NETO1: variants seen among roughly 807,000 people sequenced by gnomAD.
NETO1 encodes neuropilin and tolloid like 1.
Under a neutral mutation model 61.3 loss-of-function variants are expected in NETO1, and 26 were observed. That is an observed-to-expected ratio of 0.42 (90% CI 0.31 to 0.59). The LOEUF is 0.59. Ranked by LOEUF, NETO1 falls within the 20% of genes least tolerant of loss-of-function variation. NETO1 has a pLI of 0.12. For missense variants in NETO1, 531 were observed against 662.8 expected (o/e 0.80, Z 2.18); for synonymous variants, 225 against 225.8 (o/e 1.00, Z 0.03).
chr18:72,852,163 T>G (rs964837887), intron 4 of NETO1, among the ~76,000 whole-genome samples: 3 of 152,184 alleles, frequency 2.0e-5, no homozygotes, highest in African/African-American at 7.2e-5. Flanking sequence ...TTTCTCCACC[T>G]CTCCAGGAAA....
intron 7 of NETO1, among the ~76,000 whole-genome samples, chr18:72,772,793 TTCTCTCTCTC>T (rs71166423): frequency 2.5e-4 from 15 of 58,970 alleles, no homozygotes; most frequent in South Asian, 9.6e-4. Context: ...CTCTATATAG[TTCTCTCTCTC>T]TCTCTCTCTC....
chr18:72,825,918 T>G (rs1255072975), intron 4 of NETO1, among the ~76,000 whole-genome samples: 2 of 152,204 alleles, frequency 1.3e-5, no homozygotes, highest in African/African-American at 2.4e-5. Flanking sequence ...GAGATTTTCT[T>G]TGTGACATAT....
At chr18:72,843,601 T>C (rs2073999489) in intron 4 of NETO1, among the ~76,000 whole-genome samples, 1 of 152,138 alleles carries the variant, frequency 6.6e-6, no homozygotes, top group Non-Finnish European at 1.5e-5. Context: ...ATGTGTACCC[T>C]TGTGCCTTTC....
At position 72,832,336 on chromosome 18, in the gene NETO1, CAGTT is replaced by C. The variant is rs148553366; in HGVS notation, c.469+26486_469+26489del. On this transcript the variant is annotated intron_variant, in intron 4 of 10. Transcript: ENST00000327305. ...TTGGGAAAAACATTATTGTTTGTAA[CAGTT>C]AGTAAGTCTCAGGTCTGAAATTAGA... 8.3e-3 allele frequency among the ~76,000 whole-genome samples: 1,261 copies of C among 152,226 alleles called. 17 individuals carry two copies. The highest frequency in any genetic ancestry group is 0.029 in the African/African-American group (1,188 of 41,528).
chr18:72,815,869 G>A (rs974273603), intron 4 of NETO1, among the ~76,000 whole-genome samples: 1 of 152,052 alleles, frequency 6.6e-6, no homozygotes, highest in Non-Finnish European at 1.5e-5. Context: ...AGAAAGTCTG[G>A]CAATACTCCT....
intron 6 of NETO1, among the ~76,000 whole-genome samples, chr18:72,787,746 A>G (rs942859270): frequency 6.6e-6 from 1 of 152,218 alleles, no homozygotes; most frequent in Non-Finnish European, 1.5e-5. Flanking sequence ...GAAGTAACGG[A>G]CTGGTACCGA....
chr18:72,772,831 A>C (rs1413076854), intron 7 of NETO1, among the ~76,000 whole-genome samples: 833 of 5,940 alleles, frequency 0.14, 2 homozygotes, highest in East Asian at 0.2. Context: ...CTCTCTATAT[A>C]TATATATATA....
At chr18:72,794,340 T>C in intron 5 of NETO1, 23 bp downstream of exon 5, 1 of 1,612,986 alleles carries the variant, frequency 6.2e-7, no homozygotes, top group Non-Finnish European at 8.5e-7. Flanking sequence ...TTCTGAACAG[T>C]ATTAAATATC....
chr18:72,820,043 C>T (rs1402794497), intron 4 of NETO1, among the ~76,000 whole-genome samples: 3 of 152,132 alleles, frequency 2.0e-5, no homozygotes, highest in African/African-American at 7.2e-5. Flanking sequence ...AAAATGGTTT[C>T]TATTTTGCTT....
rs185861501 is a variant in NETO1 at position 72,748,015 on chromosome 18, C to T, written c.*164G>A. The T allele has an allele frequency of 4.1e-5, 18 of 442,748 alleles. No homozygotes were observed. Among genetic ancestry groups the T allele is most frequent in the Middle Eastern group, 1.2e-3 (1 of 832 alleles). The allele number at this position is 442,748 out of a possible 1,614,324, so 27.4% of individuals were successfully genotyped here. A position where few individuals can be genotyped will look rare whatever the true frequency, so the allele number is the denominator to read the frequency against. On this transcript the variant is annotated 3_prime_UTR_variant, in exon 11 of 11. Coordinates refer to ENST00000327305, the MANE Select transcript of NETO1 (RefSeq NM_138966.5). ...ACGAAATGAACATATCAGTGTGCAG[C>T]GGGGATGTCTTGCCGAAGGAATAAC...
chr18:72,831,916 T>C (rs181896709), intron 4 of NETO1, among the ~76,000 whole-genome samples: 8 of 151,758 alleles, frequency 5.3e-5, no homozygotes, highest in Middle Eastern at 3.4e-3. Context: ...TTCTAAGTGC[T>C]TCAATATAAG....
chr18:72,818,774 A>AT (rs1441451355), intron 4 of NETO1, among the ~76,000 whole-genome samples: 4 of 152,068 alleles, frequency 2.6e-5, no homozygotes, highest in South Asian at 2.1e-4. Context: ...TTATATAAAC[A>AT]TTTTTTCGTT....
chr18:72,793,159 T>C (rs1294519929), intron 6 of NETO1, among the ~76,000 whole-genome samples: 4 of 152,166 alleles, frequency 2.6e-5, no homozygotes, highest in Non-Finnish European at 5.9e-5. Context: ...TGCGACTTTA[T>C]AGAGTCACAA....
rs932040292 is a variant in NETO1 at position 72,867,417 on chromosome 18, G to C, written c.-126C>G. 1.7e-6 allele frequency: 1 copy of C among 571,596 alleles called. No homozygotes were observed. 35.4% of individuals were successfully genotyped at this position (571,596 alleles called of 1,614,324 possible). A position where few individuals can be genotyped will look rare whatever the true frequency, so the allele number is the denominator to read the frequency against. ...ACGCAAAGCAAGAAGGAAATAAAGGGGGGCCGAGAGGGAGACCGAGAGGAA... is the reference window on the plus strand; with the variant it reads ...ACGCAAAGCAAGAAGGAAATAAAGGCGGGCCGAGAGGGAGACCGAGAGGAA... On this transcript the variant is annotated 5_prime_UTR_variant, in exon 1 of 11. Coordinates refer to ENST00000327305, the MANE Select transcript of NETO1 (RefSeq NM_138966.5).
At chr18:72,843,883 C>T (rs1046899909) in intron 4 of NETO1, among the ~76,000 whole-genome samples, 3 of 152,152 alleles carry the variant, frequency 2.0e-5, no homozygotes, top group South Asian at 2.1e-4. Flanking sequence ...TACACAACAC[C>T]GTGTTCTAAT....
chr18:72,865,814 C>T (rs2074717399), intron 1 of NETO1: 1 of 951,098 alleles, frequency 1.1e-6, no homozygotes, highest in East Asian at 3.2e-5. Context: ...ATGTTGCCTA[C>T]AAAAATGTTC....
chr18:72,783,971 C>G (rs2145230965), intron 6 of NETO1, 65 bp from the exon 7 acceptor site: 1 of 1,127,562 alleles, frequency 8.9e-7, no homozygotes, highest in Admixed American at 1.8e-5. Flanking sequence ...TATCAGAACT[C>G]CTTTTCTCTT....
intron 4 of NETO1, among the ~76,000 whole-genome samples, chr18:72,811,554 A>C (rs1296533242): frequency 6.6e-6 from 1 of 152,006 alleles, no homozygotes; most frequent in Non-Finnish European, 1.5e-5. Flanking sequence ...TTGTCATCCC[A>C]CCTCTCTGGG....
At chr18:72,779,330 T>C (rs917663689) in intron 7 of NETO1, among the ~76,000 whole-genome samples, 3 of 151,394 alleles carry the variant, frequency 2.0e-5, no homozygotes, top group African/African-American at 7.3e-5. Context: ...TATACATTAA[T>C]GTAATTGTAT....
Sources: allele counts gnomAD v4.1 joint callset (sites outside exome capture counted in the v4.1 genomes callset), GRCh38; gene constraint gnomAD v4.1.1; transcripts MANE v1.5; gene names NCBI Gene and HGNC (gene_info 2026-07-23, HGNC 2026-07-21).